The following SYN3 variants were observed in gnomAD, a reference collection of about 807,000 sequenced individuals.
SYN3 encodes synapsin-3.
SYN3 carries 35 observed loss-of-function variants against 65.8 expected under a neutral mutation model. The observed-to-expected ratio is 0.53, with a 90% CI of 0.41 to 0.70. The LOEUF (loss-of-function observed/expected upper bound fraction) is 0.70, where lower values mean the gene tolerates loss of function less well. SYN3 is among the 30% of genes least tolerant of loss of function. The pLI, the probability that SYN3 is intolerant of heterozygous loss-of-function variation, is 0.00. For synonymous variants in SYN3, 270 were observed against 292.9 expected, an observed-to-expected ratio of 0.92 and a Z score of 0.80; for missense variants, 680 against 749.0, an observed-to-expected ratio of 0.91 and a Z score of 1.08.
intron 6 of SYN3, among the ~76,000 whole-genome samples, chr22:32,662,710 A>G (rs903592480): frequency 3.3e-5 from 5 of 152,154 alleles, no homozygotes; most frequent in African/African-American, 1.2e-4. Context: ...TAAATACTCA[A>G]TTACTGCTGA....
intron 12 of SYN3, among the ~76,000 whole-genome samples, chr22:32,521,733 AC>A (rs2057887841): frequency 6.6e-6 from 1 of 152,088 alleles, no homozygotes; most frequent in Admixed American, 6.6e-5. Flanking sequence ...GGTGTGAGTC[AC>A]CGCGCCCAGC....
At chr22:32,528,561 C>A (rs2058019970) in intron 11 of SYN3, among the ~76,000 whole-genome samples, 1 of 152,214 alleles carries the variant, frequency 6.6e-6, no homozygotes, top group South Asian at 2.1e-4. Context: ...CCTGCTCAGG[C>A]CCAGCACCGA....
At chr22:32,973,682 A>G (rs2052093293) in intron 3 of SYN3, among the ~76,000 whole-genome samples, 1 of 152,222 alleles carries the variant, frequency 6.6e-6, no homozygotes, top group Non-Finnish European at 1.5e-5. Flanking sequence ...AGAGGGTGAT[A>G]CTTAGCACAG....
At chr22:32,533,481 G>C (rs2058110989) in intron 10 of SYN3, among the ~76,000 whole-genome samples, 1 of 152,120 alleles carries the variant, frequency 6.6e-6, no homozygotes, top group African/African-American at 2.4e-5. Flanking sequence ...AAATGGAAGG[G>C]GCCCCATGGG....
intron 7 of SYN3, among the ~76,000 whole-genome samples, chr22:32,555,880 C>A (rs893995712): frequency 6.6e-6 from 1 of 152,096 alleles, no homozygotes; most frequent in Non-Finnish European, 1.5e-5. Flanking sequence ...TCTGTTTTAC[C>A]TCCCAGGAAA....
intron 6 of SYN3, among the ~76,000 whole-genome samples, chr22:32,706,516 C>T (rs975924047): frequency 6.6e-6 from 1 of 152,128 alleles, no homozygotes; most frequent in Non-Finnish European, 1.5e-5. Flanking sequence ...TCTATAAAAG[C>T]CGAGATAATT....
At chr22:32,720,487 T>G (rs1360385426) in intron 6 of SYN3, among the ~76,000 whole-genome samples, 1 of 152,230 alleles carries the variant, frequency 6.6e-6, no homozygotes, top group African/African-American at 2.4e-5. Flanking sequence ...AAGTCCTTTT[T>G]GCTATCCAAG....
At chr22:32,866,389 G>A (rs1305327182) in intron 5 of SYN3, among the ~76,000 whole-genome samples, 1 of 152,164 alleles carries the variant, frequency 6.6e-6, no homozygotes, top group African/African-American at 2.4e-5. Flanking sequence ...TATGGAAAAC[G>A]ATGTATGTGT....
chr22:32,870,717 TC>T (rs1038517641), intron 4 of SYN3, among the ~76,000 whole-genome samples: 2 of 152,128 alleles, frequency 1.3e-5, no homozygotes, highest in African/African-American at 4.8e-5. Context: ...ACAACAGAAT[TC>T]CCCCCAAAAG....
chr22:32,800,205 C>T (rs1304291282), intron 6 of SYN3, among the ~76,000 whole-genome samples: 1 of 152,142 alleles, frequency 6.6e-6, no homozygotes, highest in East Asian at 1.9e-4. Context: ...TGCATTTCTC[C>T]CTGTTTCTAT....
chr22:32,703,498 G>A (rs561131586), intron 6 of SYN3, among the ~76,000 whole-genome samples: 6 of 152,178 alleles, frequency 3.9e-5, no homozygotes, highest in South Asian at 2.1e-4. Context: ...TTAGCTTGGC[G>A]TGGTAGCGGA....
At chr22:32,653,117 GA>G (rs1201528091) in intron 6 of SYN3, among the ~76,000 whole-genome samples, 1 of 152,100 alleles carries the variant, frequency 6.6e-6, no homozygotes, top group East Asian at 1.9e-4. Flanking sequence ...TTTCTTCCCA[GA>G]ATGACTTAAT....
intron 7 of SYN3, among the ~76,000 whole-genome samples, chr22:32,594,117 A>T (rs1267144570): frequency 6.6e-6 from 1 of 151,932 alleles, no homozygotes; most frequent in Non-Finnish European, 1.5e-5. Flanking sequence ...GCCATATGCA[A>T]GGATGGAAGA....
At chr22:32,725,516 T>G (rs1217387706) in intron 6 of SYN3, among the ~76,000 whole-genome samples, 1 of 152,158 alleles carries the variant, frequency 6.6e-6, no homozygotes, top group African/African-American at 2.4e-5. Context: ...TGAACGATCT[T>G]GAGATGGAGA....
rs2057661024 is a variant in SYN3, at chr22:32,508,867, C to A, written c.*4825G>T. ...GCACAAGATACCTGCACTAGCTTGC[C>A]AGATGAGAACTTCCAGAAGGCAGTT... On this transcript the variant is annotated 3_prime_UTR_variant, in exon 14 of 14. Transcript: ENST00000358763. 6.6e-6 allele frequency among the ~76,000 whole-genome samples: 1 copy of A among 152,168 alleles called. No individual in the cohort carries two copies. Among genetic ancestry groups the A allele is most frequent in the African/African-American group, 2.4e-5 (1 of 41,446 alleles).
intron 6 of SYN3, among the ~76,000 whole-genome samples, chr22:32,645,437 G>T (rs2059969735): frequency 1.4e-5 from 2 of 144,834 alleles, no homozygotes; most frequent in Non-Finnish European, 1.5e-5. Context: ...GGCAACAAGA[G>T]CGAAACTCCG....
chr22:32,746,997 C>T (rs376471766), intron 6 of SYN3, among the ~76,000 whole-genome samples: 29 of 151,800 alleles, frequency 1.9e-4, no homozygotes, highest in South Asian at 1.0e-3. Flanking sequence ...CCAAAAAGGG[C>T]GGGAGGTAGA....
intron 3 of SYN3, among the ~76,000 whole-genome samples, chr22:32,938,373 C>CA (rs2050834088): frequency 6.6e-6 from 1 of 150,500 alleles, no homozygotes; most frequent in Non-Finnish European, 1.5e-5. Flanking sequence ...CTAAAAAATA[C>CA]AAAAAAATTA....
At chr22:32,941,214 C>T (rs554641262) in intron 3 of SYN3, among the ~76,000 whole-genome samples, 1 of 152,296 alleles carries the variant, frequency 6.6e-6, no homozygotes, top group Admixed American at 6.5e-5. Flanking sequence ...GGAGAAAGCA[C>T]ATCTATTCTT....
Sources: gnomAD v4.1 joint callset for allele counts (sites outside exome capture counted in the v4.1 genomes callset) on GRCh38, gnomAD v4.1.1 for gene constraint, MANE v1.5 for transcripts, NCBI Gene and HGNC (gene_info 2026-07-23, HGNC 2026-07-21) for gene names.